TRA2B: variants seen among roughly 807,000 people sequenced by gnomAD.
The protein encoded by TRA2B is transformer 2 beta homolog.
In TRA2B, 14 loss-of-function variants were observed where a neutral mutation model predicts 41.7. The observed-to-expected ratio is 0.34, with a 90% CI of 0.22 to 0.53. The LOEUF (loss-of-function observed/expected upper bound fraction) is 0.53. TRA2B is among the 20% of genes least tolerant of loss of function. The pLI is 0.95. For synonymous variants in TRA2B, 130 were observed against 128.8 expected, an observed-to-expected ratio of 1.01 and a Z score of -0.06; for missense variants, 167 against 396.8, an observed-to-expected ratio of 0.42 and a Z score of 4.92.
intron 6 of TRA2B, among the ~76,000 whole-genome samples, chr3:185,920,503 G>A (rs979837375): frequency 2.0e-5 from 3 of 151,962 alleles, no homozygotes; most frequent in Non-Finnish European, 4.4e-5. Context: ...TCAAATTCCC[G>A]GGCTCAAGCA....
In TRA2B at chr3:185,917,609, C is replaced by T. The variant is rs1360617765; in HGVS notation, c.*106G>A. The stretch of plus-strand genomic sequence containing the variant: ...GTCATCGTAAAAGGTGTAAAAGTCA[C>T]CTAACTTCACTAGGCACTGTTCACT... On this transcript the variant is annotated 3_prime_UTR_variant, in exon 9 of 9. Transcript: ENST00000453386. 12 of 1,255,594 alleles carry T rather than the reference C, an allele frequency of 9.6e-6. No individual in the cohort carries two copies. The highest frequency in any genetic ancestry group is 1.4e-5 in the Non-Finnish European group (12 of 882,416). The allele number at this position is 1,255,594 out of a possible 1,614,324, so 77.8% of individuals were successfully genotyped here.
chr3:185,935,863 G>A (rs965388311), intron 1 of TRA2B: 2 of 985,188 alleles, frequency 2.0e-6, no homozygotes, highest in Non-Finnish European at 2.4e-6. Flanking sequence ...TAAAAGTTTA[G>A]AGATCTCGGC....
At chr3:185,928,828 G>A (rs1744048495) in intron 1 of TRA2B, 1 of 152,182 alleles carries the variant, frequency 6.6e-6, no homozygotes, top group Non-Finnish European at 1.5e-5. Context: ...TATAAAGGAA[G>A]AATGGGTCAA....
rs2150109403 is a variant in TRA2B at position 185,914,689 on chromosome 3, C to G, written c.*3026G>C. 1.3e-5 allele frequency among the ~76,000 whole-genome samples: 2 copies of G among 152,210 alleles called. No individual in the cohort carries two copies. Among genetic ancestry groups the G allele is most frequent in the East Asian group, 3.9e-4 (2 of 5,178 alleles). ...TTTGATGACATTTGGCATAAGCTAG[C>G]ATTAAGTCCAATCCTACAAGAGCCA... On this transcript the variant is annotated 3_prime_UTR_variant, in exon 9 of 9. Transcript: ENST00000453386.
chr3:185,932,322 G>A (rs1744181175), intron 1 of TRA2B, among the ~76,000 whole-genome samples: 1 of 152,094 alleles, frequency 6.6e-6, no homozygotes, highest in East Asian at 1.9e-4. Flanking sequence ...TGTCTAGATA[G>A]GATAAAGAAA....
At chr3:185,931,891 C>T (rs1318338741) in intron 1 of TRA2B, 2 of 1,327,002 alleles carry the variant, frequency 1.5e-6, no homozygotes, top group Non-Finnish European at 1.9e-6. Context: ...TATTTTAAAA[C>T]TCCAGGATAA....
intron 4 of TRA2B, chr3:185,922,354 C>T (rs1310301285): frequency 2.8e-6 from 1 of 354,378 alleles, no homozygotes; most frequent in Non-Finnish European, 5.1e-6. Context: ...TAACTATGAT[C>T]CTGACAGTAT....
In TRA2B at chr3:185,937,806, CT is replaced by C. The variant is rs1171512609; in HGVS notation, c.36+18del. ...GGAGCTAGGACCACACAGCCACCCC[CT>C]ACCGCAGCTCTACGTACCCGCTCGC... On this transcript the variant is annotated intron_variant, in intron 1 of 8. Coordinates refer to ENST00000453386, the MANE Select transcript of TRA2B (RefSeq NM_004593.3). 3 of 1,614,010 alleles carry C rather than the reference CT, an allele frequency of 1.9e-6. No homozygotes were observed.
rs564623776 is a variant in TRA2B, at chr3:185,918,409, C to A, written c.812G>T (p.Arg271Leu). Residue 271 changes from arginine (R) to leucine (L), a missense_variant, in exon 8 of 9, where the codon CGT becomes CTT. Coordinates refer to ENST00000453386, the MANE Select transcript of TRA2B (RefSeq NM_004593.3). Reference sequence around the variant, plus strand: ...TCTGGAACGTGATCTGTATCCTCCACGACTATAGTAAGGAGAAGGTGACCG... The same window carrying A: ...TCTGGAACGTGATCTGTATCCTCCAAGACTATAGTAAGGAGAAGGTGACCG... ...RRRSPSPYYS[R>L]GGYRSRSRSR... 1.2e-6 allele frequency: 2 copies of A among 1,613,492 alleles called. No individual in the cohort carries two copies. The highest frequency in any genetic ancestry group is 1.7e-6 in the Non-Finnish European group (2 of 1,179,742).
intron 4 of TRA2B, 65 bp from the exon 5 acceptor site, chr3:185,922,191 G>A: frequency 2.5e-6 from 3 of 1,197,748 alleles, no homozygotes; most frequent in South Asian, 1.3e-5. Flanking sequence ...CTGTGGCTAT[G>A]AGTAAGATCC....
rs753204604 is a variant in TRA2B at position 185,926,742 on chromosome 3, T to C, written c.37-8A>G. 1.2e-5 allele frequency: 19 copies of C among 1,613,646 alleles called. No homozygotes were observed. In the East Asian group the frequency reaches 1.3e-4, roughly 11 times the overall value. On this transcript the variant is annotated splice_polypyrimidine_tract_variant and splice_region_variant and intron_variant, in intron 1 of 8. Coordinates refer to ENST00000453386, the MANE Select transcript of TRA2B (RefSeq NM_004593.3). ...GGAAGCAGAACGGGATTCCTACACG[T>C]AGATGTTAAAAGTTTAATTTGCACA...
At chr3:185,922,404 C>T (rs911898609) in intron 4 of TRA2B, 13 of 250,228 alleles carry the variant, frequency 5.2e-5, no homozygotes, top group African/African-American at 2.4e-4. Context: ...AAACTATAGC[C>T]TGTAGGTCAA....
At chr3:185,934,426 TACCTTATAAAATC>T (rs1744269799) in intron 1 of TRA2B, 1 of 985,310 alleles carries the variant, frequency 1.0e-6, no homozygotes, top group Admixed American at 6.1e-5. Flanking sequence ...CAGTAGTACT[TACCTTATAAAATC>T]ACCTGTAATG....
At chr3:185,932,981 A>G (rs1181883813) in intron 1 of TRA2B, among the ~76,000 whole-genome samples, 1 of 152,182 alleles carries the variant, frequency 6.6e-6, no homozygotes. Flanking sequence ...GTCTAGTTTT[A>G]GAGTCAATTA....
chr3:185,918,729 T>A (rs1417261474), intron 7 of TRA2B, among the ~76,000 whole-genome samples: 1 of 152,118 alleles, frequency 6.6e-6, no homozygotes, highest in Non-Finnish European at 1.5e-5. Context: ...AATTCCTGGC[T>A]GGGTGCGGTG....
intron 1 of TRA2B, among the ~76,000 whole-genome samples, chr3:185,932,736 CAAAAT>C (rs775154228): frequency 6.6e-6 from 1 of 152,064 alleles, no homozygotes. Context: ...ACATACTAAA[CAAAAT>C]AAAATACTGC....
intron 1 of TRA2B, among the ~76,000 whole-genome samples, chr3:185,933,158 AAAACTTCG>A (rs1243582422): frequency 1.3e-5 from 2 of 152,184 alleles, no homozygotes; most frequent in African/African-American, 4.8e-5. Flanking sequence ...AGGGCCTCCT[AAAACTTCG>A]ATACAGACAG....
In TRA2B at chr3:185,915,859, T is replaced by C. The variant is rs537709412; in HGVS notation, c.*1856A>G. 1.4e-4 allele frequency: 22 copies of C among 152,290 alleles called. No individual in the cohort carries two copies. Among genetic ancestry groups the C allele is most frequent in the East Asian group, 9.6e-4 (5 of 5,182 alleles). The allele number at this position is 152,290 out of a possible 1,614,324, so 9.4% of individuals were successfully genotyped here. The stretch of plus-strand genomic sequence containing the variant: ...TGGTTGGGGAGAAAATGGTGGAGAA[T>C]GTAGTTACTTCAGGAAAGGATGCCT... On this transcript the variant is annotated 3_prime_UTR_variant, in exon 9 of 9. Transcript: ENST00000453386.
At position 185,917,534 on chromosome 3, in the gene TRA2B, A is replaced by G. The variant is rs1578469625; in HGVS notation, c.*181T>C. ...AACACTTAACTTGGAACAAAGCACC[A>G]AACTACACAAATGCAGAATGAAAAC... On this transcript the variant is annotated 3_prime_UTR_variant, in exon 9 of 9. Transcript: ENST00000453386. 1.8e-6 allele frequency: 1 copy of G among 569,768 alleles called. No homozygotes were observed. The highest frequency in any genetic ancestry group is 3.1e-5 in the East Asian group (1 of 32,648). 35.3% of individuals were successfully genotyped at this position (569,768 alleles called of 1,614,324 possible).
Sources: gnomAD v4.1 joint callset for allele counts (sites outside exome capture counted in the v4.1 genomes callset) on GRCh38, gnomAD v4.1.1 for gene constraint, MANE v1.5 for transcripts, NCBI Gene and HGNC (gene_info 2026-07-23, HGNC 2026-07-21) for gene names.